CTNND2: variants seen among roughly 807,000 people sequenced by gnomAD.
CTNND2 encodes the protein catenin delta-2.
A neutral mutation model predicts 144.4 loss-of-function variants in CTNND2; 22 were observed. That is an observed-to-expected ratio of 0.15 (90% CI 0.11 to 0.22). The LOEUF is 0.22. Ranked by LOEUF, CTNND2 falls within the 10% of genes least tolerant of loss-of-function variation. The pLI is 1.00. For synonymous variants in CTNND2, 751 were observed against 695.6 expected, an observed-to-expected ratio of 1.08 and a Z score of -1.25; for missense variants, 1,353 against 1,618.8, an observed-to-expected ratio of 0.84 and a Z score of 2.82.
chr5:11,867,102 T>C (rs1158667843), intron 1 of CTNND2, among the ~76,000 whole-genome samples: 1 of 152,236 alleles, frequency 6.6e-6, no homozygotes, highest in Non-Finnish European at 1.5e-5. Context: ...GGACTGCCAA[T>C]GCATAATGAC....
intron 16 of CTNND2, among the ~76,000 whole-genome samples, chr5:11,051,442 G>A (rs1254320294): frequency 1.3e-5 from 2 of 152,224 alleles, no homozygotes; most frequent in Non-Finnish European, 2.9e-5. Context: ...ATTGACAAGA[G>A]CTTTAGCTGC....
At chr5:11,853,411 C>A (rs760608391) in intron 1 of CTNND2, among the ~76,000 whole-genome samples, 2 of 152,172 alleles carry the variant, frequency 1.3e-5, no homozygotes, top group Non-Finnish European at 2.9e-5. Context: ...CATGCTCACA[C>A]CAGGGCTCAG....
intron 3 of CTNND2, among the ~76,000 whole-genome samples, chr5:11,481,147 AT>A (rs534013913): frequency 1.3e-5 from 2 of 152,222 alleles, no homozygotes; most frequent in Non-Finnish European, 2.9e-5. Flanking sequence ...AAGTGACATA[AT>A]AACAAAAAGG....
At chr5:11,012,994 C>T (rs1227915309) in intron 18 of CTNND2, among the ~76,000 whole-genome samples, 1 of 152,166 alleles carries the variant, frequency 6.6e-6, no homozygotes, top group African/African-American at 2.4e-5. Context: ...TCATGCTAAC[C>T]CCAAATATGG....
chr5:11,689,179 T>C (rs1784785875), intron 2 of CTNND2, among the ~76,000 whole-genome samples: 1 of 152,360 alleles, frequency 6.6e-6, no homozygotes, highest in East Asian at 1.9e-4. Flanking sequence ...CTGCACCCAG[T>C]TAAGACTCAG....
At chr5:11,811,278 T>C (rs1792318581) in intron 1 of CTNND2, among the ~76,000 whole-genome samples, 3 of 152,130 alleles carry the variant, frequency 2.0e-5, no homozygotes, top group Admixed American at 2.0e-4. Flanking sequence ...CAGAATGAAG[T>C]ACAGAGAATG....
intron 1 of CTNND2, among the ~76,000 whole-genome samples, chr5:11,799,453 C>A (rs965132213): frequency 9.2e-5 from 14 of 152,106 alleles, no homozygotes; most frequent in Non-Finnish European, 2.1e-4. Context: ...CTTCTTCCTC[C>A]CGTTGAGATG....
chr5:11,149,486 G>A (rs1217884207), intron 12 of CTNND2, among the ~76,000 whole-genome samples: 1 of 152,162 alleles, frequency 6.6e-6, no homozygotes, highest in African/African-American at 2.4e-5. Context: ...TTGTGCTAAC[G>A]CAGCTACTTT....
intron 1 of CTNND2, among the ~76,000 whole-genome samples, chr5:11,812,875 C>T (rs780737298): frequency 1.3e-5 from 2 of 152,070 alleles, no homozygotes; most frequent in East Asian, 3.9e-4. Context: ...TGCCAGGACA[C>T]GTTTCCATGT....
At chr5:11,839,784 T>TAGAGAG (rs113307076) in intron 1 of CTNND2, among the ~76,000 whole-genome samples, 88 of 145,832 alleles carry the variant, frequency 6.0e-4, no homozygotes, top group African/African-American at 2.0e-3. Flanking sequence ...TAGACATAGG[T>TAGAGAG]AGAGAGAGAG....
intron 10 of CTNND2, among the ~76,000 whole-genome samples, chr5:11,215,698 A>C (rs1739101638): frequency 6.6e-6 from 1 of 152,224 alleles, no homozygotes; most frequent in African/African-American, 2.4e-5. Context: ...AAATTGCAAA[A>C]CAAATTATCA....
intron 2 of CTNND2, among the ~76,000 whole-genome samples, chr5:11,698,631 G>C (rs936299938): frequency 1.3e-5 from 2 of 151,964 alleles, no homozygotes; most frequent in East Asian, 3.9e-4. Context: ...TTCCTTTTTT[G>C]TCTCCAGCTT....
At chr5:11,002,838 A>G (rs1740095655) in intron 18 of CTNND2, among the ~76,000 whole-genome samples, 2 of 152,180 alleles carry the variant, frequency 1.3e-5, no homozygotes, top group Admixed American at 1.3e-4. Context: ...TTTGTCTTCT[A>G]TCCTTAGAAG....
At chr5:11,621,024 C>T (rs1780807531) in intron 2 of CTNND2, among the ~76,000 whole-genome samples, 2 of 152,192 alleles carry the variant, frequency 1.3e-5, no homozygotes, top group African/African-American at 2.4e-5. Flanking sequence ...TGGCTCACTG[C>T]TGTTTACTCA....
intron 1 of CTNND2, among the ~76,000 whole-genome samples, chr5:11,771,903 G>T (rs976975000): frequency 1.3e-5 from 2 of 152,140 alleles, no homozygotes; most frequent in Non-Finnish European, 2.9e-5. Flanking sequence ...TTCACTCTGG[G>T]TAGGCTGTTG....
chr5:11,689,714 G>C (rs1784810241), intron 2 of CTNND2, among the ~76,000 whole-genome samples: 1 of 151,852 alleles, frequency 6.6e-6, no homozygotes, highest in African/African-American at 2.4e-5. Context: ...TTTGACACTT[G>C]AGAAGCAAAA....
At chr5:11,295,154 G>A (rs1748775416) in intron 9 of CTNND2, among the ~76,000 whole-genome samples, 1 of 152,142 alleles carries the variant, frequency 6.6e-6, no homozygotes, top group Non-Finnish European at 1.5e-5. Flanking sequence ...CAAAATCAAT[G>A]TGCAAAAATC....
At chr5:11,745,421 A>G (rs1162128726) in intron 1 of CTNND2, among the ~76,000 whole-genome samples, 1 of 152,184 alleles carries the variant, frequency 6.6e-6, no homozygotes, top group East Asian at 1.9e-4. Flanking sequence ...GCATACGTAT[A>G]TGAGTTTCCA....
chr5:11,121,334 T>A (rs919802368), intron 12 of CTNND2, among the ~76,000 whole-genome samples: 1 of 152,202 alleles, frequency 6.6e-6, no homozygotes, highest in African/African-American at 2.4e-5. Flanking sequence ...ACTTAAACCA[T>A]CTTCTGCCCA....
Sources: gnomAD v4.1 joint callset for allele counts (sites outside exome capture counted in the v4.1 genomes callset) on GRCh38, gnomAD v4.1.1 for gene constraint, MANE v1.5 for transcripts, NCBI Gene and HGNC (gene_info 2026-07-23, HGNC 2026-07-21) for gene names.